The following CHD1L variants were observed in gnomAD, a reference collection of about 807,000 sequenced individuals.
CHD1L encodes the protein chromodomain helicase DNA binding protein 1 like.
CHD1L carries 118 observed loss-of-function variants against 115.9 expected under a neutral mutation model. That is an observed-to-expected ratio of 1.02 (90% CI 0.88 to 1.19). The LOEUF (loss-of-function observed/expected upper bound fraction) is 1.19. Among genes scored for constraint, CHD1L ranks in the 50% most tolerant of loss-of-function variants. The probability of loss-of-function intolerance (pLI) is 0.00; values close to 1 mark genes in which losing one functional copy is unlikely to be tolerated. For missense variants in CHD1L, 1,179 were observed against 1,065.3 expected (o/e 1.11, Z -1.49); for synonymous variants, 411 against 387.1 (o/e 1.06, Z -0.72).
In CHD1L at chr1:147,288,322, C is replaced by CATTAAAAA. The variant is rs1452486110; in HGVS notation, c.2320+590_2320+591insTTAAAAAA. 9.5e-3 allele frequency among the ~76,000 whole-genome samples: 837 copies of CATTAAAAA among 87,774 alleles called. 42 individuals carry two copies. Among genetic ancestry groups the CATTAAAAA allele is most frequent in the Middle Eastern group, 0.021 (3 of 140 alleles). The allele number at this position is 87,774 out of a possible 152,430, so 57.6% of individuals were successfully genotyped here. On this transcript the variant is annotated intron_variant, in intron 19 of 22. Transcript: ENST00000369258. ...CCTGAGTGAGAGTGAGACCCTGTTTCAATAAAAAAAAAAAAAAAAAAAAAG... is the reference window on the plus strand; with the variant it reads ...CCTGAGTGAGAGTGAGACCCTGTTTCATTAAAAAAATAAAAAAAAAAAAAAAAAAAAAG...
At chr1:147,237,897 A>T (rs1553930126), upstream of CHD1L, among the ~76,000 whole-genome samples, 1 of 152,220 alleles carries the variant, frequency 6.6e-6, no homozygotes, top group East Asian at 1.9e-4. Context: ...TTTGATGCCT[A>T]CAATTTCTAA....
At chr1:147,284,183 C>A (rs1345585232) in intron 15 of CHD1L, among the ~76,000 whole-genome samples, 168 bp from the exon 16 acceptor site, 6 of 152,182 alleles carry the variant, frequency 3.9e-5, no homozygotes, top group African/African-American at 1.4e-4. Context: ...GTAGAACCCA[C>A]ATTCTTCAGT....
At chr1:147,232,499 C>T in the CHD1L span, among the ~76,000 whole-genome samples, 2 of 151,814 alleles carry the variant, frequency 1.3e-5, no homozygotes, top group African/African-American at 4.9e-5. Flanking sequence ...CTCTCCCTCT[C>T]CCCATGGTCT....
chr1:147,285,604 T>C (rs1264976260), intron 17 of CHD1L, 117 bp downstream of exon 17: 40 of 1,163,094 alleles, frequency 3.4e-5, no homozygotes, highest in East Asian at 4.9e-5. Flanking sequence ...TTGGTTCCTA[T>C]TGGTAACAGA....
In CHD1L at chr1:147,276,170, C is replaced by T; in HGVS notation, c.1452C>T (p.Ala484=). The change falls in exon 14 of 23, where the codon GCC becomes GCT. Residue 484 remains alanine (A), a synonymous_variant. Transcript: ENST00000369258. ...TVEEIVYRKA[A]SKLQLTNMII... Reference sequence around the variant, plus strand: ...AAGAAATAGTCTATAGGAAAGCAGCCTCCAAACTGCAGCTCACCAACATGA... The same window carrying T: ...AAGAAATAGTCTATAGGAAAGCAGCTTCCAAACTGCAGCTCACCAACATGA... 3 of 1,614,196 alleles carry T rather than the reference C, an allele frequency of 1.9e-6. No homozygotes were observed. Among genetic ancestry groups the T allele is most frequent in the South Asian group, 1.1e-5 (1 of 91,082 alleles).
At position 147,271,011 on chromosome 1, in the gene CHD1L, A is replaced by G; in HGVS notation, c.1159+6A>G. On this transcript the variant is annotated splice_donor_region_variant and intron_variant, in intron 11 of 22. Transcript: ENST00000369258. ...AGACTATATGGATTACAGAGGTGAC[A>G]CCTTTTGGCCACTACATTACCTAAG... 6.2e-7 allele frequency: 1 copy of G among 1,612,898 alleles called. No homozygotes were observed. Among genetic ancestry groups the G allele is most frequent in the Non-Finnish European group, 8.5e-7 (1 of 1,178,928 alleles).
chr1:147,213,878 C>T, the CHD1L span, among the ~76,000 whole-genome samples: 1 of 152,136 alleles, frequency 6.6e-6, no homozygotes, highest in Non-Finnish European at 1.5e-5. Context: ...AGGTTCTCTT[C>T]TCCTGGCTAC....
intron 13 of CHD1L, 32 bp downstream of exon 13, chr1:147,275,500 C>T (rs1289274634): frequency 6.5e-7 from 1 of 1,530,442 alleles, no homozygotes; most frequent in Admixed American, 1.7e-5. Flanking sequence ...CCTTGGCTTG[C>T]CCAGCAGCAG....
chr1:147,225,210 C>G, the CHD1L span: 2 of 1,429,932 alleles, frequency 1.4e-6, no homozygotes, highest in South Asian at 1.5e-5. Context: ...CAGAGGAAAT[C>G]TTTCTGCTGG....
intron 14 of CHD1L, 86 bp downstream of exon 14, chr1:147,276,343 C>A (rs1284125374): frequency 2.9e-6 from 4 of 1,365,240 alleles, no homozygotes; most frequent in Middle Eastern, 2.0e-4. Context: ...CCAGCACTCA[C>A]CCTCTCCCCA....
chr1:147,261,821 C>T (rs1443877534), intron 6 of CHD1L, among the ~76,000 whole-genome samples: 1 of 152,066 alleles, frequency 6.6e-6, no homozygotes, highest in Non-Finnish European at 1.5e-5. Flanking sequence ...AAAGAAAATA[C>T]ATGTATTTAT....
the CHD1L span, chr1:147,212,513 C>A: frequency 6.2e-7 from 1 of 1,613,768 alleles, no homozygotes; most frequent in Non-Finnish European, 8.5e-7. Context: ...TGTGGAAGTA[C>A]TGCCCTTTGA....
the CHD1L span, chr1:147,178,040 T>G: frequency 1.4e-6 from 1 of 702,224 alleles, no homozygotes; most frequent in Non-Finnish European, 2.2e-6. Context: ...GTAAAATAGG[T>G]GGTCGCGCGC....
intron 4 of CHD1L, among the ~76,000 whole-genome samples, chr1:147,256,143 G>A (rs1035447332): frequency 2.6e-5 from 4 of 152,180 alleles, no homozygotes; most frequent in African/African-American, 9.7e-5. Flanking sequence ...GGTGGATCAA[G>A]GGGGAAGGCT....
chr1:147,198,658 G>T, the CHD1L span, among the ~76,000 whole-genome samples: 1 of 152,058 alleles, frequency 6.6e-6, no homozygotes, highest in South Asian at 2.1e-4. Context: ...AGACCATCCT[G>T]GCTAACATGG....
chr1:147,227,003 A>ATTT, the CHD1L span, among the ~76,000 whole-genome samples: 3 of 151,864 alleles, frequency 2.0e-5, no homozygotes, highest in Non-Finnish European at 2.9e-5. Context: ...TAATTTTTGT[A>ATTT]TTTTTTGTAG....
At position 147,293,638 on chromosome 1, in the gene CHD1L, C is replaced by T. The variant is rs782680914; in HGVS notation, c.2422C>T (p.Arg808Cys). ...LALIVAQHRD[R>C]SNVLSGIKMA... ...CTTGATTGTGGCTCAGCATCGTGAT[C>T]GTTCCAATGTCCTGTCTGGCATTAA... Residue 808 changes from arginine to cysteine, a missense_variant, in exon 21 of 23, where the codon CGT (arginine) becomes TGT (cysteine). Coordinates refer to ENST00000369258, the MANE Select transcript of CHD1L (RefSeq NM_004284.6). The T allele has an allele frequency of 4.5e-5, 72 of 1,613,954 alleles. No individual in the cohort carries two copies. The highest frequency in any genetic ancestry group is 5.5e-5 in the South Asian group (5 of 91,076).
intron 16 of CHD1L, 59 bp downstream of exon 16, chr1:147,284,558 A>AAAC: frequency 3.5e-6 from 5 of 1,424,256 alleles, no homozygotes; most frequent in Admixed American, 2.6e-5. Context: ...TAAAACAAAC[A>AAAC]AAAAAATGAT....
chr1:147,229,389 C>T, the CHD1L span, among the ~76,000 whole-genome samples: 9 of 152,056 alleles, frequency 5.9e-5, no homozygotes, highest in African/African-American at 1.9e-4. Context: ...GGTACCAGTA[C>T]CATGCTGTTT....
Sources: gnomAD v4.1 joint callset for allele counts (sites outside exome capture counted in the v4.1 genomes callset) on GRCh38, gnomAD v4.1.1 for gene constraint, MANE v1.5 for transcripts, NCBI Gene and HGNC (gene_info 2026-07-23, HGNC 2026-07-21) for gene names.